NR2E3: variants seen among roughly 807,000 people sequenced by gnomAD.
The protein encoded by NR2E3 is nuclear receptor subfamily 2 group E member 3, also known as photoreceptor-specific nuclear receptor.
In NR2E3, 38 loss-of-function variants were observed where a neutral mutation model predicts 37.6. That is an observed-to-expected ratio of 1.01 (90% CI 0.78 to 1.33). The LOEUF is 1.33. Among genes scored for constraint, NR2E3 ranks in the 40% most tolerant of loss-of-function variants. NR2E3 has a pLI of 0.00. For synonymous variants in NR2E3, 235 were observed against 225.1 expected (o/e 1.04, Z -0.39); for missense variants, 562 against 558.7 (o/e 1.01, Z -0.06).
At position 71,814,647 on chromosome 15, in the gene NR2E3, C is replaced by T; in HGVS notation, c.1100+530C>T. On this transcript the variant is annotated intron_variant, in intron 7 of 7. Transcript: ENST00000617575. ...ACCAGCCCGTTCAGGACTTTGAATG[C>T]CAGCCAAAGGCCACGTCTGACTTGG... The T allele has an allele frequency of 4.1e-6, 4 of 971,486 alleles. No individual in the cohort carries two copies. The South Asian group carries it at 1.4e-4, about 35-fold the overall frequency. The allele number at this position is 971,486 out of a possible 1,614,324, so 60.2% of individuals were successfully genotyped here.
intron 7 of NR2E3, among the ~76,000 whole-genome samples, chr15:71,816,826 T>C (rs1468284860): frequency 6.6e-6 from 1 of 151,998 alleles, no homozygotes; most frequent in African/African-American, 2.4e-5. Flanking sequence ...ATAAACCCAT[T>C]GTTAAGTTGA....
Position 71,813,759 on chromosome 15 carries a change from A to G in NR2E3, c.994+124A>G, listed in dbSNP as rs893065155. On this transcript the variant is annotated intron_variant, in intron 6 of 7. Transcript: ENST00000617575. The surrounding 1 kb of genome is among the most constrained non-coding windows in gnomAD (Gnocchi z 4.7). ...GGCCTCTATCCTGGGGGGTGGGAGG[A>G]GAGTGGTGAGGCTGGACTCCCTTCT... 4.6e-6 allele frequency: 7 copies of G among 1,506,872 alleles called. No homozygotes were observed. The African/African-American group carries it at 9.6e-5, about 21-fold the overall frequency. 93.3% of individuals were successfully genotyped at this position (1,506,872 alleles called of 1,614,324 possible). A position where few individuals can be genotyped will look rare whatever the true frequency, so the allele number is the denominator to read the frequency against.
chr15:71,817,453 C>G, intron 7 of NR2E3, 99 bp from the exon 8 acceptor site: 3 of 1,451,578 alleles, frequency 2.1e-6, no homozygotes, highest in Non-Finnish European at 2.8e-6. Context: ...CCTCATCTCT[C>G]CTCTCCTTCC....
Position 71,813,619 on chromosome 15 carries a change from G to T in NR2E3, c.978G>T (p.Leu326Phe), listed in dbSNP as rs1278190677. The change falls in exon 6 of 8, where the codon TTG becomes TTT. Residue 326 changes from leucine to phenylalanine, a missense_variant. Coordinates refer to ENST00000617575, the MANE Select transcript of NR2E3 (RefSeq NM_014249.4). The surrounding 1 kb of genome is among the most constrained non-coding windows in gnomAD (Gnocchi z 4.7). ...CGGAGTTTGCCTGCATGAAGGCCTT[G>T]GTCCTCTTCAAGCCAGGTAACTGAG... is the stretch of plus-strand genomic sequence containing the variant. ...DPTEFACMKA[L>F]VLFKPETRGL... The T allele has an allele frequency of 6.2e-7, 1 of 1,613,846 alleles. No homozygotes were observed. Among genetic ancestry groups the T allele is most frequent in the Admixed American group, 1.7e-5 (1 of 60,030 alleles).
chr15:71,811,801 A>T lies in NR2E3; in HGVS notation c.281A>T (p.Lys94Met). 6.4e-7 allele frequency: 1 copy of T among 1,551,300 alleles called. No individual in the cohort carries two copies. The highest frequency in any genetic ancestry group is 2.4e-5 in the East Asian group (1 of 40,912). Residue 94 changes from lysine (K) to methionine (M), a missense_variant, in exon 3 of 8, where the codon AAG (lysine) becomes ATG (methionine). Transcript: ENST00000617575. This position sits in a 1 kb window ranked among gnomAD's most constrained non-coding sequence, Gnocchi z 5.6. ...QVGAGMCPVD[K>M]AHRNQCQACR... The stretch of plus-strand genomic sequence containing the variant: ...GGGGCAGGGATGTGCCCCGTGGACA[A>T]GGCCCACCGCAACCAGTGCCAGGCC...
rs1012683731 is a variant in NR2E3, at chr15:71,811,938, C to G, written c.350-17C>G. 2.8e-5 allele frequency: 43 copies of G among 1,548,944 alleles called. No homozygotes were observed. Among genetic ancestry groups the G allele is most frequent in the Non-Finnish European group, 3.8e-5 (43 of 1,146,276 alleles). The stretch of plus-strand genomic sequence containing the variant: ...AGCGGGACTGGCGTGTCGTCCTGAC[C>G]CTTCCTGCCTCCCCAGCCGTGCAGA... On this transcript the variant is annotated splice_polypyrimidine_tract_variant and intron_variant, in intron 3 of 7. Coordinates refer to ENST00000617575, the MANE Select transcript of NR2E3 (RefSeq NM_014249.4). This position sits in a 1 kb window ranked among gnomAD's most constrained non-coding sequence, Gnocchi z 5.6.
Position 71,811,920 on chromosome 15 carries a change from C to G in NR2E3, c.350-35C>G. 1 of 1,549,152 alleles carries G rather than the reference C, an allele frequency of 6.5e-7. No homozygotes were observed. Among genetic ancestry groups the G allele is most frequent in the East Asian group, 2.4e-5 (1 of 40,882 alleles). On this transcript the variant is annotated intron_variant, in intron 3 of 7. Coordinates refer to ENST00000617575, the MANE Select transcript of NR2E3 (RefSeq NM_014249.4). This position sits in a 1 kb window ranked among gnomAD's most constrained non-coding sequence, Gnocchi z 5.6. ...AGGTGACAAGAAATGGGCAGCGGGA[C>G]TGGCGTGTCGTCCTGACCCTTCCTG...
At position 71,811,356 on chromosome 15, in the gene NR2E3, T is replaced by G. The variant is rs892957728; in HGVS notation, c.119-127T>G. 3.6e-5 allele frequency: 29 copies of G among 795,600 alleles called. No homozygotes were observed. Among genetic ancestry groups the G allele is most frequent in the African/African-American group, 3.3e-4 (19 of 58,172 alleles). 49.3% of individuals were successfully genotyped at this position (795,600 alleles called of 1,614,324 possible). A position where few individuals can be genotyped will look rare whatever the true frequency, so the allele number is the denominator to read the frequency against. On this transcript the variant is annotated intron_variant, in intron 1 of 7. Coordinates refer to ENST00000617575, the MANE Select transcript of NR2E3 (RefSeq NM_014249.4). The surrounding 1 kb of genome is among the most constrained non-coding windows in gnomAD (Gnocchi z 5.6). ...CTTCTCCAGATGGAAGAGTCACGCG[T>G]GGGTTCGTTCAAATGCGGGTGAGCG...
At position 71,817,686 on chromosome 15, in the gene NR2E3, G is replaced by A. The variant is rs777903865; in HGVS notation, c.*2G>A. The A allele has an allele frequency of 1.3e-5, 20 of 1,588,334 alleles. No homozygotes were observed. Among genetic ancestry groups the A allele is most frequent in the South Asian group, 1.1e-5 (1 of 89,994 alleles). On this transcript the variant is annotated 3_prime_UTR_variant, in exon 8 of 8. Transcript: ENST00000617575. ...CTTTGTGATATGTTCAAAAACTAGT[G>A]GGGGTGGAGGTGAAATGTTTCCAAG...
At chr15:71,815,064 T>C (rs1438216412) in intron 7 of NR2E3, 1 of 281,810 alleles carries the variant, frequency 3.5e-6, no homozygotes, top group Non-Finnish European at 5.4e-6. Flanking sequence ...CTGGCTAGGT[T>C]TGGGGGAGAG....
At position 71,812,508 on chromosome 15, in the gene NR2E3, T is replaced by G; in HGVS notation, c.744T>G (p.Asp248Glu). The G allele has an allele frequency of 6.2e-7, 1 of 1,608,526 alleles. No homozygotes were observed. Among genetic ancestry groups the G allele is most frequent in the Non-Finnish European group, 8.5e-7 (1 of 1,176,634 alleles). The change falls in exon 5 of 8, where the codon GAT (aspartate) becomes GAG (glutamate). Residue 248 changes from aspartate (D) to glutamate (E), a missense_variant. Transcript: ENST00000617575. Reference protein sequence around the residue: ...LPVFSSLPFRDQVILLEEAWS... With the variant: ...LPVFSSLPFREQVILLEEAWS... ...TGTTCTCCAGCCTGCCCTTCCGGGA[T>G]CAGGTACCTACCGGCCTGCCTGCTG... is the stretch of plus-strand genomic sequence containing the variant.
Position 71,812,512 on chromosome 15 carries a change from G to A in NR2E3, c.747+1G>A. On this transcript the variant is annotated splice_donor_variant, in intron 5 of 7. Coordinates refer to ENST00000617575, the MANE Select transcript of NR2E3 (RefSeq NM_014249.4). LOFTEE classifies it high-confidence loss of function. ...CTCCAGCCTGCCCTTCCGGGATCAGGTACCTACCGGCCTGCCTGCTGGGGA... is the reference window on the plus strand; with the variant it reads ...CTCCAGCCTGCCCTTCCGGGATCAGATACCTACCGGCCTGCCTGCTGGGGA... 6.2e-7 allele frequency: 1 copy of A among 1,605,346 alleles called. No individual in the cohort carries two copies. The highest frequency in any genetic ancestry group is 8.5e-7 in the Non-Finnish European group (1 of 1,174,872).
At chr15:71,815,977 G>A (rs1420744516) in intron 7 of NR2E3, among the ~76,000 whole-genome samples, 4 of 152,186 alleles carry the variant, frequency 2.6e-5, no homozygotes, top group Admixed American at 2.6e-4. Context: ...GCAGATGGGA[G>A]GGGTATACGA....
chr15:71,817,751 A>C lies in NR2E3; in HGVS notation c.*67A>C, dbSNP rs1193773687. ...ATCTACTGAAACGAAACATTTGCCT[A>C]CTCTTTGCCCCAGCAATTCCTCGTA... On this transcript the variant is annotated 3_prime_UTR_variant, in exon 8 of 8. Transcript: ENST00000617575. 4.8e-6 allele frequency: 7 copies of C among 1,461,840 alleles called. No homozygotes were observed. Among genetic ancestry groups the C allele is most frequent in the African/African-American group, 1.4e-5 (1 of 71,606 alleles). 90.6% of individuals were successfully genotyped at this position (1,461,840 alleles called of 1,614,324 possible). A position where few individuals can be genotyped will look rare whatever the true frequency, so the allele number is the denominator to read the frequency against.
At position 71,817,765 on chromosome 15, in the gene NR2E3, C is replaced by A; in HGVS notation, c.*81C>A. 7.3e-7 allele frequency: 1 copy of A among 1,367,406 alleles called. No homozygotes were observed. Among genetic ancestry groups the A allele is most frequent in the Non-Finnish European group, 1.0e-6 (1 of 989,362 alleles). 84.7% of individuals were successfully genotyped at this position (1,367,406 alleles called of 1,614,324 possible). On this transcript the variant is annotated 3_prime_UTR_variant, in exon 8 of 8. Coordinates refer to ENST00000617575, the MANE Select transcript of NR2E3 (RefSeq NM_014249.4). ...AACATTTGCCTACTCTTTGCCCCAGCAATTCCTCGTAGGTGTGTGTACCCA... is the reference window on the plus strand; with the variant it reads ...AACATTTGCCTACTCTTTGCCCCAGAAATTCCTCGTAGGTGTGTGTACCCA...
At chr15:71,814,394 T>C in intron 7 of NR2E3, 1 of 1,205,950 alleles carries the variant, frequency 8.3e-7, no homozygotes, top group Non-Finnish European at 1.0e-6. Flanking sequence ...TGCATGAATC[T>C]GCAGGAGACA....
In NR2E3 at chr15:71,811,637, C is replaced by G. The variant is rs375947040; in HGVS notation, c.245+28C>G. ...GAGTGCGGTGGGCCCTGCTGGGCGTCTGCCCCTGAGGGGTTCTGGAGGGGT... is the reference window on the plus strand; with the variant it reads ...GAGTGCGGTGGGCCCTGCTGGGCGTGTGCCCCTGAGGGGTTCTGGAGGGGT... On this transcript the variant is annotated intron_variant, in intron 2 of 7. Coordinates refer to ENST00000617575, the MANE Select transcript of NR2E3 (RefSeq NM_014249.4). The surrounding 1 kb of genome is among the most constrained non-coding windows in gnomAD (Gnocchi z 5.6). 70 of 1,597,194 alleles carry G rather than the reference C, an allele frequency of 4.4e-5. No homozygotes were observed. Among genetic ancestry groups the G allele is most frequent in the Non-Finnish European group, 5.5e-5 (64 of 1,172,280 alleles).
Position 71,810,591 on chromosome 15 carries a change from C to CT in NR2E3, c.-151dup. 1 of 1,179,046 alleles carries CT rather than the reference C, an allele frequency of 8.5e-7. No individual in the cohort carries two copies. Among genetic ancestry groups the CT allele is most frequent in the Non-Finnish European group, 1.2e-6 (1 of 852,418 alleles). The allele number at this position is 1,179,046 out of a possible 1,614,324, so 73.0% of individuals were successfully genotyped here. A position where few individuals can be genotyped will look rare whatever the true frequency, so the allele number is the denominator to read the frequency against. ...AAGCCAGAGCCTGTGCTGTGAGGGG[C>CT]TTCGGGACCTTGGGGCAGCTCCTGA... On this transcript the variant is annotated 5_prime_UTR_variant, in exon 1 of 8. Coordinates refer to ENST00000617575, the MANE Select transcript of NR2E3 (RefSeq NM_014249.4).
At chr15:71,814,902 T>C (rs763490976) in intron 7 of NR2E3, 35 of 985,194 alleles carry the variant, frequency 3.6e-5, no homozygotes, top group Non-Finnish European at 3.9e-5. Flanking sequence ...TGGGTGAAGG[T>C]AAGGAATGAG....
Sources: gnomAD v4.1 joint callset for allele counts (sites outside exome capture counted in the v4.1 genomes callset) on GRCh38, gnomAD v4.1.1 for gene constraint, Gnocchi (gnomAD v3.1) non-coding constraint, MANE v1.5 for transcripts, NCBI Gene and HGNC (gene_info 2026-07-23, HGNC 2026-07-21) for gene names.